The following TYW1B variants were observed in gnomAD, a reference collection of about 807,000 sequenced individuals.
The protein encoded by TYW1B is tRNA-yW synthesizing protein 1 homolog B, also known as S-adenosyl-L-methionine-dependent tRNA 4-demethylwyosine synthase TYW1B.
Under a neutral mutation model 86.9 loss-of-function variants are expected in TYW1B, and 73 were observed. The ratio of observed to expected loss-of-function variants is 0.84; its 90% CI spans 0.70 to 1.02. The LOEUF is 1.02. TYW1B is among the 50% of genes least tolerant of loss of function. The pLI, the probability that TYW1B is intolerant of heterozygous loss-of-function variation, is 0.00. For missense variants in TYW1B, 637 were observed against 827.4 expected (o/e 0.77, Z 2.82); for synonymous variants, 248 against 292.8 (o/e 0.85, Z 1.56).
rs782758806 is a variant in TYW1B, at chr7:72,807,252, A to C, written c.537T>G (p.Ile179Met). Reference sequence around the variant, plus strand: ...TCTTCCATGCTCTGAAGTTGGCCTCAATGCTGCCGTGCTTGCTTTTAACCA... The same window carrying C: ...TCTTCCATGCTCTGAAGTTGGCCTCCATGCTGCCGTGCTTGCTTTTAACCA... ...CDVVKSKHGS[I>M]EANFRAWKTK... Residue 179 changes from isoleucine (I) to methionine (M), a missense_variant, in exon 5 of 14, where the codon ATT becomes ATG. Physicochemically the swap from Ile to Met is conservative, Grantham distance 10. Transcript: ENST00000620995. 1 of 1,614,026 alleles carries C rather than the reference A, an allele frequency of 6.2e-7. No homozygotes were observed. The highest frequency in any genetic ancestry group is 1.1e-5 in the South Asian group (1 of 91,078).
chr7:72,600,492 T>A (rs1475290985), intron 13 of TYW1B, among the ~76,000 whole-genome samples: 4 of 152,082 alleles, frequency 2.6e-5, no homozygotes, highest in African/African-American at 4.8e-5. Flanking sequence ...TGAAAAAAAA[T>A]TAGTCAGTTG....
At chr7:72,735,780 G>T (rs1478273817) in intron 8 of TYW1B, among the ~76,000 whole-genome samples, 1 of 150,734 alleles carries the variant, frequency 6.6e-6, no homozygotes, top group African/African-American at 2.4e-5. Flanking sequence ...TGAGGGACAA[G>T]AATCGCTTGA....
At chr7:72,624,654 T>C (rs1252519110) in intron 12 of TYW1B, among the ~76,000 whole-genome samples, 2 of 152,230 alleles carry the variant, frequency 1.3e-5, no homozygotes, top group African/African-American at 4.8e-5. Flanking sequence ...TGACATTCAT[T>C]GCAGGACATT....
At chr7:72,779,165 A>T (rs1788005862) in intron 6 of TYW1B, among the ~76,000 whole-genome samples, 1 of 152,234 alleles carries the variant, frequency 6.6e-6, no homozygotes, top group Non-Finnish European at 1.5e-5. Flanking sequence ...TTAAATGTCC[A>T]GCCATCCAGC....
intron 6 of TYW1B, among the ~76,000 whole-genome samples, chr7:72,785,729 C>T (rs1174191795): frequency 6.6e-6 from 1 of 152,096 alleles, no homozygotes; most frequent in East Asian, 1.9e-4. Flanking sequence ...CTACTTCCCT[C>T]GACAGTAACA....
intron 9 of TYW1B, among the ~76,000 whole-genome samples, chr7:72,728,000 A>G (rs1554459074): frequency 6.6e-6 from 1 of 152,166 alleles, no homozygotes; most frequent in African/African-American, 2.4e-5. Context: ...AGACAGAATT[A>G]AATCAGGAAA....
intron 10 of TYW1B, among the ~76,000 whole-genome samples, chr7:72,700,968 G>A (rs1295516063): frequency 6.6e-6 from 1 of 152,050 alleles, no homozygotes; most frequent in Non-Finnish European, 1.5e-5. Flanking sequence ...GGAGGCTGAG[G>A]CAGGAGAATT....
chr7:72,676,957 CA>C (rs1312703596), intron 11 of TYW1B, among the ~76,000 whole-genome samples: 1 of 144,712 alleles, frequency 6.9e-6, no homozygotes, highest in Non-Finnish European at 1.5e-5. Context: ...GAGACTGTCT[CA>C]AAAAAAAAAC....
At chr7:72,749,903 G>GTTT (rs1279759217) in intron 7 of TYW1B, among the ~76,000 whole-genome samples, 1 of 74,968 alleles carries the variant, frequency 1.3e-5, no homozygotes, top group African/African-American at 4.5e-5. Context: ...TTCTATGTTG[G>GTTT]TTTTTTTTGT....
chr7:72,601,717 T>A (rs1554433764), intron 13 of TYW1B, among the ~76,000 whole-genome samples: 3 of 92,472 alleles, frequency 3.2e-5, no homozygotes, highest in African/African-American at 8.7e-5. Context: ...GCCAGGAAAA[T>A]GCACGAAAGA....
intron 11 of TYW1B, among the ~76,000 whole-genome samples, chr7:72,645,438 ACACAGTGAACATCAG>A (rs1812906046): frequency 6.6e-6 from 1 of 152,176 alleles, no homozygotes; most frequent in African/African-American, 2.4e-5. Context: ...ACTTCCAAAT[ACACAGTGAACATCAG>A]TTAGTCCATG....
At chr7:72,743,653 G>A (rs1463893163) in intron 8 of TYW1B, among the ~76,000 whole-genome samples, 5 of 151,956 alleles carry the variant, frequency 3.3e-5, no homozygotes, top group Admixed American at 3.3e-4. Flanking sequence ...AAACCGGCCT[G>A]GCCAACATGG....
chr7:72,731,412 A>AC (rs1449217798), intron 8 of TYW1B, among the ~76,000 whole-genome samples: 59 of 150,834 alleles, frequency 3.9e-4, no homozygotes, highest in Non-Finnish European at 7.5e-4. Flanking sequence ...AAAAAAAAAA[A>AC]AAACAAGAGA....
intron 12 of TYW1B, among the ~76,000 whole-genome samples, chr7:72,626,776 T>C (rs535115050): frequency 6.6e-6 from 1 of 151,870 alleles, no homozygotes; most frequent in Admixed American, 6.6e-5. Flanking sequence ...CCCCAAACCA[T>C]CTCTTGCTTG....
At chr7:72,691,080 C>T (rs555668915) in intron 11 of TYW1B, among the ~76,000 whole-genome samples, 1 of 152,326 alleles carries the variant, frequency 6.6e-6, no homozygotes, top group African/African-American at 2.4e-5. Flanking sequence ...ATGTTTGACC[C>T]TAGCTAACCC....
chr7:72,766,137 C>T (rs1373472820), intron 7 of TYW1B, among the ~76,000 whole-genome samples: 28 of 152,328 alleles, frequency 1.8e-4, no homozygotes, highest in East Asian at 7.7e-4. Context: ...ATAAATTCCT[C>T]TGGGAAAGCT....
chr7:72,825,039 G>A (rs1318189679), intron 2 of TYW1B, among the ~76,000 whole-genome samples: 1 of 150,256 alleles, frequency 6.7e-6, no homozygotes, highest in Non-Finnish European at 1.5e-5. Flanking sequence ...AGAGGCAGAG[G>A]TTGCAGTGAG....
At chr7:72,794,765 G>A (rs1226263448) in intron 6 of TYW1B, among the ~76,000 whole-genome samples, 1 of 151,722 alleles carries the variant, frequency 6.6e-6, no homozygotes, top group Non-Finnish European at 1.5e-5. Flanking sequence ...GACTAGGAGA[G>A]TGAGCACAAA....
chr7:72,678,214 C>A (rs1420461375), intron 11 of TYW1B, among the ~76,000 whole-genome samples: 3 of 151,940 alleles, frequency 2.0e-5, no homozygotes, highest in Admixed American at 2.0e-4. Flanking sequence ...AAATAAAAAC[C>A]AATAACATGC....
Sources: allele counts gnomAD v4.1 joint callset (sites outside exome capture counted in the v4.1 genomes callset), GRCh38; gene constraint gnomAD v4.1.1; transcripts MANE v1.5; gene names NCBI Gene and HGNC (gene_info 2026-07-23, HGNC 2026-07-21).